The following DECR1 variants were observed in gnomAD, a reference collection of about 807,000 sequenced individuals.
The protein encoded by DECR1 is 2,4-dienoyl-CoA reductase [(3E)-enoyl-CoA-producing], mitochondrial.
A neutral mutation model predicts 38.8 loss-of-function variants in DECR1; 44 were observed. The ratio of observed to expected loss-of-function variants is 1.13; its 90% CI spans 0.89 to 1.46. The LOEUF (loss-of-function observed/expected upper bound fraction) is 1.46. Among genes scored for constraint, DECR1 ranks in the 40% most tolerant of loss-of-function variants. DECR1 has a pLI of 0.00. For missense variants in DECR1, 428 were observed against 405.5 expected, an observed-to-expected ratio of 1.06 and a Z score of -0.48; for synonymous variants, 148 against 135.2, an observed-to-expected ratio of 1.09 and a Z score of -0.66.
At chr8:90,015,517 A>G (rs1242760097) in intron 1 of DECR1, 3 of 388,810 alleles carry the variant, frequency 7.7e-6, no homozygotes, top group Non-Finnish European at 1.6e-5. Flanking sequence ...TCACATTATA[A>G]ACATTTTCTT....
At chr8:90,045,703 G>C (rs1426549658) in intron 8 of DECR1, among the ~76,000 whole-genome samples, 1 of 152,234 alleles carries the variant, frequency 6.6e-6, no homozygotes, top group East Asian at 1.9e-4. Context: ...CCAGCATGGA[G>C]TTGGAGATCT....
chr8:90,048,418 A>G (rs924694113), intron 8 of DECR1, among the ~76,000 whole-genome samples: 7 of 152,374 alleles, frequency 4.6e-5, no homozygotes, highest in Middle Eastern at 3.4e-3. Context: ...CACTATGCAG[A>G]TAAACTAGAA....
rs1171615758 is a variant in DECR1 at position 90,015,150 on chromosome 8, A to G, written c.70-1974A>G. ...TAGATTTGGAAAGTACTAAAAACCA[A>G]TCAAACAAACAAACAAAAAAAAACA... On this transcript the variant is annotated intron_variant, in intron 1 of 9. Transcript: ENST00000220764. Among the ~76,000 whole-genome samples the G allele has an allele frequency of 7.2e-5, 11 of 152,090 alleles. No homozygotes were observed. The South Asian group carries it at 1.0e-3, about 14-fold the overall frequency.
chr8:90,018,549 G>A (rs1813066228), intron 2 of DECR1: 1 of 159,602 alleles, frequency 6.3e-6, no homozygotes, highest in African/African-American at 2.4e-5. Flanking sequence ...TTTGTAGAAT[G>A]TGAGACTGCA....
chr8:90,012,035 A>C (rs1812895775), intron 1 of DECR1, among the ~76,000 whole-genome samples: 1 of 152,110 alleles, frequency 6.6e-6, no homozygotes, highest in Non-Finnish European at 1.5e-5. Context: ...ATTTAGTTAT[A>C]AATATGGTCG....
chr8:90,002,408 A>G (rs1323726807), intron 1 of DECR1, among the ~76,000 whole-genome samples: 3 of 151,934 alleles, frequency 2.0e-5, no homozygotes, highest in Non-Finnish European at 4.4e-5. Flanking sequence ...TCTGGCCCAC[A>G]CTCCTGTCAC....
chr8:90,042,925 G>C (rs1240512841), intron 7 of DECR1, 125 bp downstream of exon 7: 2 of 770,272 alleles, frequency 2.6e-6, no homozygotes, highest in East Asian at 5.0e-5. Context: ...TGGTTCTAGG[G>C]AAGAGGCCTT....
chr8:90,007,119 G>C (rs1812761702), intron 1 of DECR1, among the ~76,000 whole-genome samples: 1 of 152,098 alleles, frequency 6.6e-6, no homozygotes, highest in Non-Finnish European at 1.5e-5. Flanking sequence ...ATGAATGTTG[G>C]GTGATGATAG....
intron 1 of DECR1, among the ~76,000 whole-genome samples, chr8:90,012,034 T>C (rs769029461): frequency 7.2e-5 from 11 of 152,214 alleles, no homozygotes; most frequent in Non-Finnish European, 1.5e-4. Flanking sequence ...TATTTAGTTA[T>C]AAATATGGTC....
chr8:90,028,624 A>G (rs1035500374), intron 5 of DECR1, among the ~76,000 whole-genome samples: 2 of 152,112 alleles, frequency 1.3e-5, no homozygotes, highest in Non-Finnish European at 2.9e-5. Flanking sequence ...AAAATGTGAA[A>G]TATTCTTTTT....
chr8:90,034,969 G>A (rs1459433597), intron 5 of DECR1, among the ~76,000 whole-genome samples: 1 of 151,828 alleles, frequency 6.6e-6, no homozygotes, highest in Non-Finnish European at 1.5e-5. Context: ...CTTGATTTTT[G>A]AAGGGTATTT....
rs1814116569 is a variant in DECR1, at chr8:90,052,189, C to G, written c.*292C>G. 1 of 299,410 alleles carries G rather than the reference C, an allele frequency of 3.3e-6. No homozygotes were observed. The highest frequency in any genetic ancestry group is 6.6e-5 in the South Asian group (1 of 15,080). 18.5% of individuals were successfully genotyped at this position (299,410 alleles called of 1,614,324 possible). ...ACTTAGAAGTGCAGAGAGAACAGATCTTTGTGACTTGGAAAATCAGGAGAA... is the reference window on the plus strand; with the variant it reads ...ACTTAGAAGTGCAGAGAGAACAGATGTTTGTGACTTGGAAAATCAGGAGAA... On this transcript the variant is annotated 3_prime_UTR_variant, in exon 10 of 10. Coordinates refer to ENST00000220764, the MANE Select transcript of DECR1 (RefSeq NM_001359.2).
intron 5 of DECR1, among the ~76,000 whole-genome samples, chr8:90,026,618 T>A (rs946911400): frequency 1.3e-5 from 2 of 152,204 alleles, no homozygotes; most frequent in African/African-American, 4.8e-5. Context: ...CTCTCTTTTC[T>A]TCTTTATTAC....
At chr8:90,023,317 T>C (rs1265128646) in intron 5 of DECR1, among the ~76,000 whole-genome samples, 1 of 152,234 alleles carries the variant, frequency 6.6e-6, no homozygotes, top group Non-Finnish European at 1.5e-5. Context: ...TATTTAGAAA[T>C]ACAATGGATT....
chr8:90,047,411 C>A (rs1268112880), intron 8 of DECR1, among the ~76,000 whole-genome samples: 1 of 151,900 alleles, frequency 6.6e-6, no homozygotes, highest in Admixed American at 6.6e-5. Context: ...AGACTTTAAA[C>A]CAACAAAGAT....
At chr8:90,003,962 G>A (rs1812680898) in intron 1 of DECR1, among the ~76,000 whole-genome samples, 1 of 151,934 alleles carries the variant, frequency 6.6e-6, no homozygotes. Flanking sequence ...AAATGGAATA[G>A]AATAGGATAT....
intron 6 of DECR1, among the ~76,000 whole-genome samples, chr8:90,039,511 T>C (rs1191781479): frequency 6.6e-6 from 1 of 152,184 alleles, no homozygotes; most frequent in East Asian, 1.9e-4. Context: ...TATGTCTACC[T>C]GGTCCCACCC....
At chr8:90,051,599 A>T in intron 8 of DECR1, 78 bp from the exon 9 acceptor site, 1 of 1,097,972 alleles carries the variant, frequency 9.1e-7, no homozygotes, top group Non-Finnish European at 1.4e-6. Flanking sequence ...CCATCCAATT[A>T]GTATGGGAAA....
At position 90,051,851 on chromosome 8, in the gene DECR1, A is replaced by T. The variant is rs1814105059; in HGVS notation, c.962A>T (p.Gln321Leu). 1.9e-6 allele frequency: 3 copies of T among 1,613,876 alleles called. No homozygotes were observed. Among genetic ancestry groups the T allele is most frequent in the Non-Finnish European group, 2.5e-6 (3 of 1,179,884 alleles). Residue 321 changes from glutamine (Q) to leucine (L), a missense_variant, in exon 10 of 10, where the codon CAG becomes CTG. Physicochemically the swap from Gln to Leu is moderately radical, Grantham distance 113. Transcript: ENST00000220764. ...TTTTTGTGTTAGGTCACCAAGGAGCAGTGGGACACCATAGAAGAACTCATC... is the reference window on the plus strand; with the variant it reads ...TTTTTGTGTTAGGTCACCAAGGAGCTGTGGGACACCATAGAAGAACTCATC... ...FNDLRKVTKE[Q>L]WDTIEELIRK...
Sources: allele counts gnomAD v4.1 joint callset (sites outside exome capture counted in the v4.1 genomes callset), GRCh38; gene constraint gnomAD v4.1.1; transcripts MANE v1.5; gene names NCBI Gene and HGNC (gene_info 2026-07-23, HGNC 2026-07-21).